TNFSF4: variants seen among roughly 807,000 people sequenced by gnomAD.
TNFSF4 encodes TNF superfamily member 4, also known as tumor necrosis factor ligand superfamily member 4.
TNFSF4 carries 4 observed loss-of-function variants against 7.3 expected under a neutral mutation model. That is an observed-to-expected ratio of 0.55 (90% CI 0.27 to 1.25). The LOEUF is 1.25. Ranked by LOEUF, TNFSF4 falls within the 50% of genes most tolerant of loss-of-function variation. The pLI is 0.12. For missense variants in TNFSF4, 181 were observed against 208.8 expected (o/e 0.87, Z 0.82); for synonymous variants, 76 against 83.7 (o/e 0.91, Z 0.50).
the TNFSF4 span, among the ~76,000 whole-genome samples, chr1:173,233,402 T>G: frequency 6.6e-6 from 1 of 152,170 alleles, no homozygotes; most frequent in Non-Finnish European, 1.5e-5. Flanking sequence ...TGGAAAACAC[T>G]CTTCAGGATA....
the TNFSF4 span, among the ~76,000 whole-genome samples, chr1:173,286,095 A>C: frequency 6.6e-6 from 1 of 152,232 alleles, no homozygotes; most frequent in Non-Finnish European, 1.5e-5. Flanking sequence ...AAGAGAATTA[A>C]AGAAAACTTA....
the TNFSF4 span, among the ~76,000 whole-genome samples, chr1:173,410,662 C>G: frequency 6.6e-6 from 1 of 152,156 alleles, no homozygotes; most frequent in Non-Finnish European, 1.5e-5. Context: ...TAAGTGAGCC[C>G]ACGTGGTGGA....
the TNFSF4 span, among the ~76,000 whole-genome samples, chr1:173,174,759 A>G: frequency 6.6e-6 from 1 of 152,128 alleles, no homozygotes; most frequent in African/African-American, 2.4e-5. Context: ...ACAGAGCCAA[A>G]CCATATCAAT....
the TNFSF4 span, among the ~76,000 whole-genome samples, chr1:173,303,283 A>T: frequency 4.0e-5 from 6 of 151,726 alleles, no homozygotes; most frequent in Non-Finnish European, 8.8e-5. Flanking sequence ...CTTTTAGCTT[A>T]CCCATCTCAG....
At chr1:173,236,698 CAGG>C in the TNFSF4 span, among the ~76,000 whole-genome samples, 1 of 151,934 alleles carries the variant, frequency 6.6e-6, no homozygotes, top group African/African-American at 2.4e-5. Context: ...ATGGATGGAA[CAGG>C]AGGACATAAT....
chr1:173,369,687 T>G, the TNFSF4 span, among the ~76,000 whole-genome samples: 103 of 152,214 alleles, frequency 6.8e-4, no homozygotes, highest in African/African-American at 2.2e-3. Flanking sequence ...AAGTGGCTTA[T>G]TTTTTTCTGC....
At chr1:173,384,750 A>G in the TNFSF4 span, among the ~76,000 whole-genome samples, 1 of 152,258 alleles carries the variant, frequency 6.6e-6, no homozygotes. Context: ...AATAAGGTGC[A>G]TATACACTAT....
chr1:173,227,189 A>G, the TNFSF4 span, among the ~76,000 whole-genome samples: 1 of 152,062 alleles, frequency 6.6e-6, no homozygotes, highest in African/African-American at 2.4e-5. Flanking sequence ...AACACTATAA[A>G]GACATTAGAA....
chr1:173,311,798 G>T, the TNFSF4 span, among the ~76,000 whole-genome samples: 2 of 152,098 alleles, frequency 1.3e-5, no homozygotes, highest in Non-Finnish European at 2.9e-5. Flanking sequence ...TGGCAAGAGA[G>T]AAATGATCAG....
chr1:173,418,067 A>G, the TNFSF4 span: 5 of 152,268 alleles, frequency 3.3e-5, no homozygotes, highest in Admixed American at 3.3e-4. Context: ...CCTATGCTAT[A>G]GAACACACCG....
chr1:173,417,497 A>G, the TNFSF4 span, among the ~76,000 whole-genome samples: 1 of 117,214 alleles, frequency 8.5e-6, no homozygotes, highest in Non-Finnish European at 1.8e-5. Context: ...ATCTTAATAA[A>G]CCACGTGGAA....
At chr1:173,311,710 C>T in the TNFSF4 span, among the ~76,000 whole-genome samples, 1 of 152,016 alleles carries the variant, frequency 6.6e-6, no homozygotes, top group African/African-American at 2.4e-5. Context: ...GTAGAGCATA[C>T]CAGAACCAGG....
chr1:173,365,012 CAGGT>C, the TNFSF4 span, among the ~76,000 whole-genome samples: 1 of 151,332 alleles, frequency 6.6e-6, no homozygotes, highest in East Asian at 1.9e-4. Flanking sequence ...AGGCTGAGCC[CAGGT>C]ATTGAGGCTG....
rs184714820 is a variant in TNFSF4, at chr1:173,194,922, A to C, written c.154-6353T>G. Among the ~76,000 whole-genome samples, 11 of 150,890 alleles carry C rather than the reference A, an allele frequency of 7.3e-5. 1 individual carries two copies. The East Asian group carries it at 2.1e-3, about 29-fold the overall frequency. ...AAAGGCAAAGAATAAATAAAACCTTATTGAGTACTTACAATATGCTATGCA... is the reference window on the plus strand; with the variant it reads ...AAAGGCAAAGAATAAATAAAACCTTCTTGAGTACTTACAATATGCTATGCA... On this transcript the variant is annotated intron_variant, in intron 1 of 2. Coordinates refer to ENST00000281834, the MANE Select transcript of TNFSF4 (RefSeq NM_003326.5).
In TNFSF4 at chr1:173,186,436, G is replaced by T; in HGVS notation, c.*80C>A. The T allele has an allele frequency of 8.3e-7, 1 of 1,199,870 alleles. No homozygotes were observed. Among genetic ancestry groups the T allele is most frequent in the African/African-American group, 1.5e-5 (1 of 65,968 alleles). The allele number at this position is 1,199,870 out of a possible 1,614,324, so 74.3% of individuals were successfully genotyped here. A position where few individuals can be genotyped will look rare whatever the true frequency, so the allele number is the denominator to read the frequency against. ...GCTGAGCTGGGAGGCTCCTTCACTT[G>T]CAATGAAGAATCCATGCCCTGTCCA... On this transcript the variant is annotated 3_prime_UTR_variant, in exon 3 of 3. Coordinates refer to ENST00000281834, the MANE Select transcript of TNFSF4 (RefSeq NM_003326.5).
chr1:173,374,434 T>A, the TNFSF4 span, among the ~76,000 whole-genome samples: 1 of 152,074 alleles, frequency 6.6e-6, no homozygotes, highest in Non-Finnish European at 1.5e-5. Flanking sequence ...AAATCTTAGA[T>A]TCACCACACC....
At chr1:173,405,964 A>T in the TNFSF4 span, among the ~76,000 whole-genome samples, 3 of 152,232 alleles carry the variant, frequency 2.0e-5, no homozygotes, top group African/African-American at 4.8e-5. Context: ...AAAAGGCTGC[A>T]TGGCACGTGG....
chr1:173,438,226 C>T, the TNFSF4 span, among the ~76,000 whole-genome samples: 1 of 152,034 alleles, frequency 6.6e-6, no homozygotes, highest in Non-Finnish European at 1.5e-5. Flanking sequence ...ACATTAAAAC[C>T]TATACAACAT....
At chr1:173,277,496 G>A in the TNFSF4 span, among the ~76,000 whole-genome samples, 1 of 152,022 alleles carries the variant, frequency 6.6e-6, no homozygotes, top group East Asian at 1.9e-4. Context: ...GGAGAAGAGT[G>A]GCAAGGAGGA....
Sources: allele counts gnomAD v4.1 joint callset (sites outside exome capture counted in the v4.1 genomes callset), GRCh38; gene constraint gnomAD v4.1.1; transcripts MANE v1.5; gene names NCBI Gene and HGNC (gene_info 2026-07-23, HGNC 2026-07-21).